CFAP54: variants seen among roughly 807,000 people sequenced by gnomAD.
The protein encoded by CFAP54 is cilia- and flagella-associated protein 54.
A neutral mutation model predicts 370.4 loss-of-function variants in CFAP54; 290 were observed. The observed-to-expected ratio is 0.78, with a 90% CI of 0.71 to 0.86. The LOEUF is 0.86. Ranked by LOEUF, CFAP54 falls within the 40% of genes least tolerant of loss-of-function variation. The probability of loss-of-function intolerance (pLI) is 0.00; values close to 1 mark genes in which losing one functional copy is unlikely to be tolerated. For missense variants in CFAP54, 3,399 were observed against 3,528.7 expected (o/e 0.96, Z 0.93); for synonymous variants, 1,206 against 1,236.5 (o/e 0.98, Z 0.52).
rs191624283 is a variant in CFAP54 at position 96,765,848 on chromosome 12, A to G, written c.8281+630A>G. On this transcript the variant is annotated intron_variant, in intron 60 of 67. Transcript: ENST00000524981. Reference sequence around the variant, plus strand: ...TACTCCTTTGATAGTAAACTATAATATAAACCTCTATATCAGATAACTGGT... The same window carrying G: ...TACTCCTTTGATAGTAAACTATAATGTAAACCTCTATATCAGATAACTGGT... 7.5e-4 allele frequency among the ~76,000 whole-genome samples: 115 copies of G among 152,360 alleles called. 1 individual carries two copies. Among genetic ancestry groups the G allele is most frequent in the African/African-American group, 2.4e-3 (100 of 41,588 alleles).
intron 19 of CFAP54, among the ~76,000 whole-genome samples, chr12:96,568,262 CTAT>C (rs1174653303): frequency 6.7e-6 from 1 of 148,464 alleles, no homozygotes; most frequent in Non-Finnish European, 1.5e-5. Context: ...AAAATTTCTT[CTAT>C]TTTTTAAAAA....
intron 66 of CFAP54, among the ~76,000 whole-genome samples, chr12:96,854,697 C>T (rs547142129): frequency 6.6e-6 from 1 of 152,194 alleles, no homozygotes; most frequent in East Asian, 1.9e-4. Context: ...CATATGTAGC[C>T]TTTATTGAGT....
chr12:96,658,353 T>A lies in CFAP54; in HGVS notation c.5460+7T>A. 6.2e-7 allele frequency: 1 copy of A among 1,613,808 alleles called. No homozygotes were observed. ...GGCTGAATATGGAGAGAAGGTAAGT[T>A]TAAGTTAGTTCTATTATTCATGCTG... On this transcript the variant is annotated splice_region_variant and intron_variant, in intron 38 of 67. Transcript: ENST00000524981.
At chr12:96,705,421 G>A (rs977322025) in intron 47 of CFAP54, among the ~76,000 whole-genome samples, 1 of 145,802 alleles carries the variant, frequency 6.9e-6, no homozygotes, top group East Asian at 2.0e-4. Flanking sequence ...ATGATTCATT[G>A]TTTTTTTTTT....
intron 15 of CFAP54, among the ~76,000 whole-genome samples, chr12:96,552,246 C>CAAAA (rs374756712): frequency 2.4e-5 from 1 of 40,980 alleles, no homozygotes; most frequent in African/African-American, 7.6e-5. Flanking sequence ...AACTACATCT[C>CAAAA]AAAAAAAAAA....
intron 26 of CFAP54, among the ~76,000 whole-genome samples, chr12:96,601,149 G>A (rs1209068707): frequency 2.0e-5 from 3 of 152,120 alleles, no homozygotes; most frequent in Non-Finnish European, 2.9e-5. Flanking sequence ...CTAGTTTATT[G>A]AGAGTTTTTG....
chr12:96,643,047 C>T (rs1490738540), intron 32 of CFAP54, among the ~76,000 whole-genome samples: 2 of 152,148 alleles, frequency 1.3e-5, no homozygotes, highest in East Asian at 1.9e-4. Flanking sequence ...ATTGTTGACT[C>T]ATCTTGGCCT....
At chr12:96,823,019 G>A (rs987287156) in intron 65 of CFAP54, among the ~76,000 whole-genome samples, 10 of 152,112 alleles carry the variant, frequency 6.6e-5, no homozygotes, top group Non-Finnish European at 1.2e-4. Context: ...GTATAGACAG[G>A]TAGAGTTGTA....
At chr12:96,544,763 A>G (rs539069344) in intron 14 of CFAP54, among the ~76,000 whole-genome samples, 1 of 152,132 alleles carries the variant, frequency 6.6e-6, no homozygotes, top group Admixed American at 6.6e-5. Flanking sequence ...CTTATTTCTT[A>G]CAGTTGTGGA....
intron 50 of CFAP54, among the ~76,000 whole-genome samples, chr12:96,725,598 A>G (rs1197835545): frequency 6.6e-6 from 1 of 152,156 alleles, no homozygotes; most frequent in Non-Finnish European, 1.5e-5. Context: ...GGTTTTCTAG[A>G]TATACAATCA....
intron 60 of CFAP54, 67 bp downstream of exon 60, chr12:96,765,285 G>T (rs375985105): frequency 6.9e-6 from 9 of 1,309,502 alleles, no homozygotes; most frequent in Non-Finnish European, 8.2e-6. Flanking sequence ...AAGTTTCAAA[G>T]ATTTAATTGT....
chr12:96,524,035 T>A (rs1302948601), intron 8 of CFAP54, among the ~76,000 whole-genome samples: 2 of 152,146 alleles, frequency 1.3e-5, no homozygotes, highest in Non-Finnish European at 2.9e-5. Flanking sequence ...TTGCAGAATG[T>A]CCTGTTTTCT....
At chr12:96,806,019 C>A (rs896541479) in intron 63 of CFAP54, among the ~76,000 whole-genome samples, 1 of 150,126 alleles carries the variant, frequency 6.7e-6, no homozygotes, top group African/African-American at 2.4e-5. Flanking sequence ...CATGGACATG[C>A]ACAGTGGAAT....
intron 56 of CFAP54, among the ~76,000 whole-genome samples, chr12:96,754,425 A>G (rs909024279): frequency 3.3e-5 from 5 of 152,222 alleles, no homozygotes; most frequent in Non-Finnish European, 7.3e-5. Flanking sequence ...GATGAGTGCT[A>G]TCATTTACTG....
intron 64 of CFAP54, among the ~76,000 whole-genome samples, chr12:96,816,548 A>C (rs1037884791): frequency 6.6e-6 from 1 of 152,194 alleles, no homozygotes; most frequent in Non-Finnish European, 1.5e-5. Flanking sequence ...GAGAGCTATC[A>C]TTAGGATAAT....
intron 27 of CFAP54, among the ~76,000 whole-genome samples, chr12:96,622,038 T>C (rs1956502068): frequency 6.6e-6 from 1 of 151,962 alleles, no homozygotes; most frequent in African/African-American, 2.4e-5. Context: ...TTAAAAGCTC[T>C]CTAAAGTCTC....
At chr12:96,762,577 G>A (rs1389641712) in intron 58 of CFAP54, among the ~76,000 whole-genome samples, 1 of 152,140 alleles carries the variant, frequency 6.6e-6, no homozygotes, top group Admixed American at 6.5e-5. Context: ...CATTGGAGTT[G>A]ACTTCTTTTT....
chr12:96,679,888 TC>T, intron 40 of CFAP54, 136 bp downstream of exon 40: 1 of 815,288 alleles, frequency 1.2e-6, no homozygotes, highest in Non-Finnish European at 1.9e-6. Context: ...TTTCCTCTTG[TC>T]CAGTGGATCT....
Position 96,816,078 on chromosome 12 carries a change from G to GT in CFAP54, c.8958-1690dup, listed in dbSNP as rs201824707. 8.8e-3 allele frequency among the ~76,000 whole-genome samples: 1,338 copies of GT among 152,210 alleles called. 53 individuals carry two copies. In the East Asian group the frequency reaches 0.1, roughly 11 times the overall value. ...TTGGTTCCATATGAAATTTAAAGTA[G>GT]TTTTTTTCTAATTCTGTGAAGAAAG... is the stretch of plus-strand genomic sequence containing the variant. On this transcript the variant is annotated intron_variant, in intron 64 of 67. Coordinates refer to ENST00000524981, the MANE Select transcript of CFAP54 (RefSeq NM_001306084.2).
Sources: gnomAD v4.1 joint callset for allele counts (sites outside exome capture counted in the v4.1 genomes callset) on GRCh38, gnomAD v4.1.1 for gene constraint, MANE v1.5 for transcripts, NCBI Gene and HGNC (gene_info 2026-07-23, HGNC 2026-07-21) for gene names.